The following PRKG2 variants were observed in gnomAD, a reference collection of about 807,000 sequenced individuals.
The protein encoded by PRKG2 is cGMP-dependent protein kinase 2.
In PRKG2, 33 loss-of-function variants were observed where a neutral mutation model predicts 97.2. The ratio of observed to expected loss-of-function variants is 0.34; its 90% CI spans 0.26 to 0.45. The LOEUF is 0.45. Ranked by LOEUF, PRKG2 falls within the 20% of genes least tolerant of loss-of-function variation. PRKG2 has a pLI of 1.00. For synonymous variants in PRKG2, 330 were observed against 321.8 expected (o/e 1.03, Z -0.27); for missense variants, 638 against 900.0 (o/e 0.71, Z 3.73).
intron 2 of PRKG2, among the ~76,000 whole-genome samples, chr4:81,184,130 G>C (rs1454570759): frequency 6.6e-6 from 1 of 152,228 alleles, no homozygotes; most frequent in Non-Finnish European, 1.5e-5. Context: ...TCCCAGCACA[G>C]AGCTCGAGCT....
chr4:81,141,259 C>G (rs1474894393), intron 11 of PRKG2, among the ~76,000 whole-genome samples: 2 of 152,194 alleles, frequency 1.3e-5, no homozygotes, highest in African/African-American at 4.8e-5. Context: ...AATCCTTCCA[C>G]CTTGGCTTCC....
chr4:81,148,705 C>T (rs945467776), intron 9 of PRKG2, among the ~76,000 whole-genome samples, 179 bp downstream of exon 9: 7 of 152,128 alleles, frequency 4.6e-5, no homozygotes, highest in Admixed American at 2.0e-4. Context: ...TGCCACAGAC[C>T]GATTCAGATC....
chr4:81,162,530 T>C (rs1749661732), intron 6 of PRKG2, among the ~76,000 whole-genome samples: 1 of 152,178 alleles, frequency 6.6e-6, no homozygotes, highest in Non-Finnish European at 1.5e-5. Flanking sequence ...CCCAAATGAC[T>C]GTGTGGAGCC....
intron 17 of PRKG2, among the ~76,000 whole-genome samples, chr4:81,103,244 T>C (rs915654504): frequency 2.0e-5 from 3 of 152,242 alleles, no homozygotes; most frequent in Non-Finnish European, 4.4e-5. Context: ...TGTGCCATGT[T>C]GGTGTGCTGC....
upstream of PRKG2, among the ~76,000 whole-genome samples, chr4:81,216,918 TG>T: frequency 6.7e-6 from 1 of 150,068 alleles, no homozygotes; most frequent in Non-Finnish European, 1.5e-5. Context: ...TGTGTGTGTG[TG>T]TGTGTGTGTG....
chr4:81,189,055 A>T (rs1752182078), intron 2 of PRKG2, among the ~76,000 whole-genome samples: 1 of 48,230 alleles, frequency 2.1e-5, no homozygotes, highest in Non-Finnish European at 3.2e-5. Context: ...AAAAAAGATT[A>T]AAAAAAATAA....
At chr4:81,136,115 A>T (rs1746667612) in intron 13 of PRKG2, among the ~76,000 whole-genome samples, 1 of 152,166 alleles carries the variant, frequency 6.6e-6, no homozygotes, top group African/African-American at 2.4e-5. Flanking sequence ...GCAAAGATAG[A>T]AGACGCTAAT....
Position 81,134,004 on chromosome 4 carries a change from G to A in PRKG2, c.1776+1151C>T, listed in dbSNP as rs371539868. ...AGGAGGCATAACCAATGAAGGAATT[G>A]TGAAGAACAGAAGTGATTGGGGTCC... On this transcript the variant is annotated intron_variant, in intron 14 of 18. Transcript: ENST00000264399. 1.1e-4 allele frequency among the ~76,000 whole-genome samples: 16 copies of A among 152,284 alleles called. No individual in the cohort carries two copies. The South Asian group carries it at 3.3e-3, about 32-fold the overall frequency.
rs1434309765 is a variant in PRKG2, at chr4:81,123,421, TTGAGACAGAGTC to T, written c.1776+11722_1776+11733del. The stretch of plus-strand genomic sequence containing the variant: ...ATTTTTGTTTGTTTGTTTGTTTGTT[TTGAGACAGAGTC>T]TTGCTCTGTTGCCCAGGCTGGAGTG... On this transcript the variant is annotated intron_variant, in intron 14 of 18. Coordinates refer to ENST00000264399, the MANE Select transcript of PRKG2 (RefSeq NM_006259.3). 3.3e-5 allele frequency among the ~76,000 whole-genome samples: 5 copies of T among 152,336 alleles called. No individual in the cohort carries two copies. The East Asian group carries it at 9.6e-4, about 29-fold the overall frequency.
intron 14 of PRKG2, among the ~76,000 whole-genome samples, chr4:81,115,149 G>C (rs754645637): frequency 1.4e-4 from 22 of 152,030 alleles, no homozygotes; most frequent in Admixed American, 1.4e-3. Context: ...AAAATGCTGG[G>C]TCAAAGACAC....
At chr4:81,196,058 G>A (rs1752941072) in intron 2 of PRKG2, among the ~76,000 whole-genome samples, 1 of 152,176 alleles carries the variant, frequency 6.6e-6, no homozygotes, top group African/African-American at 2.4e-5. Flanking sequence ...TGAGTCTGAA[G>A]AAGTAAGCTG....
At chr4:81,213,812 A>G (rs1447487577) in intron 1 of PRKG2, among the ~76,000 whole-genome samples, 1 of 152,210 alleles carries the variant, frequency 6.6e-6, no homozygotes, top group African/African-American at 2.4e-5. Flanking sequence ...AATTCTCATT[A>G]GCCTCACTTG....
intron 2 of PRKG2, among the ~76,000 whole-genome samples, chr4:81,187,996 G>A (rs907771510): frequency 1.3e-5 from 2 of 152,064 alleles, no homozygotes; most frequent in African/African-American, 4.8e-5. Context: ...CAAAAGCAAT[G>A]GCAACAAAAG....
chr4:81,171,712 T>A lies in PRKG2; in HGVS notation c.721A>T (p.Thr241Ser). ...TTACCTTTCACAGAGGCAGTCCTTG[T>A]ACAATTGTATAAAATGGCAAGCTCC... ...FGELAILYNCTRTASVKAITN... is the reference protein window; with the variant it reads ...FGELAILYNCSRTASVKAITN... Residue 241 changes from threonine (T) to serine (S), a missense_variant, in exon 4 of 19, where the codon ACA becomes TCA. Thr to Ser is a moderately conservative substitution (Grantham distance 58, BLOSUM62 1). Transcript: ENST00000264399. 1 of 1,607,468 alleles carries A rather than the reference T, an allele frequency of 6.2e-7. No homozygotes were observed. Among genetic ancestry groups the A allele is most frequent in the Non-Finnish European group, 8.5e-7 (1 of 1,176,966 alleles).
chr4:81,188,165 C>CA (rs1752064445), intron 2 of PRKG2, among the ~76,000 whole-genome samples: 1 of 151,908 alleles, frequency 6.6e-6, no homozygotes, highest in Non-Finnish European at 1.5e-5. Flanking sequence ...TGAACTCAAA[C>CA]AAATTTACAA....
chr4:81,169,324 C>T (rs1750257780), intron 5 of PRKG2, among the ~76,000 whole-genome samples: 3 of 152,062 alleles, frequency 2.0e-5, no homozygotes, highest in Admixed American at 2.0e-4. Context: ...TGTCTTTTGG[C>T]TAACCACTTT....
intron 9 of PRKG2, among the ~76,000 whole-genome samples, chr4:81,144,608 A>T (rs796910531): frequency 0.046 from 6,460 of 140,396 alleles, 152 homozygotes; most frequent in Admixed American, 0.067. Context: ...ATATATATAT[A>T]TATTTTTTTT....
rs1346180898 is a variant in PRKG2, at chr4:81,168,625, T to C, written c.848+1038A>G. Among the ~76,000 whole-genome samples the C allele has an allele frequency of 3.3e-5, 5 of 152,098 alleles. No homozygotes were observed. The East Asian group carries it at 5.8e-4, about 18-fold the overall frequency. ...GATTTTGAGATCACCTAGATTCAAG[T>C]GGGCCCCACAATATGATAGCTAATG... On this transcript the variant is annotated intron_variant, in intron 5 of 18. Transcript: ENST00000264399.
chr4:81,193,565 C>A (rs1013078464), intron 2 of PRKG2, among the ~76,000 whole-genome samples: 2 of 152,118 alleles, frequency 1.3e-5, no homozygotes, highest in Admixed American at 1.3e-4. Context: ...GCTGGCCAGG[C>A]GCGATGGCTC....
Sources: allele counts gnomAD v4.1 joint callset (sites outside exome capture counted in the v4.1 genomes callset), GRCh38; gene constraint gnomAD v4.1.1; transcripts MANE v1.5; gene names NCBI Gene and HGNC (gene_info 2026-07-23, HGNC 2026-07-21).